F13A1: variants seen among roughly 807,000 people sequenced by gnomAD.
F13A1 encodes the protein coagulation factor XIII A chain, also known as FSF, A subunit.
A neutral mutation model predicts 80.1 loss-of-function variants in F13A1; 47 were observed. That is an observed-to-expected ratio of 0.59 (90% CI 0.46 to 0.75). The LOEUF is 0.75. Ranked by LOEUF, F13A1 falls within the 30% of genes least tolerant of loss-of-function variation. The pLI is 0.00. For missense variants in F13A1, 817 were observed against 930.4 expected (o/e 0.88, Z 1.59); for synonymous variants, 349 against 344.9 (o/e 1.01, Z -0.13).
intron 10 of F13A1, among the ~76,000 whole-genome samples, chr6:6,185,129 C>CTT (rs113575772): frequency 0.015 from 2,174 of 146,732 alleles, 35 homozygotes; most frequent in Middle Eastern, 0.056. Flanking sequence ...GAATCTCTCT[C>CTT]TTTTTTTTTT....
At chr6:6,224,357 A>C (rs3024400) in intron 7 of F13A1, among the ~76,000 whole-genome samples, 27 of 149,434 alleles carry the variant, frequency 1.8e-4, no homozygotes, top group Admixed American at 1.1e-3. Context: ...TAACTGTTTT[A>C]GTTTTTTTAA....
rs752429659 is a variant in F13A1 at position 6,318,522 on chromosome 6, G to A, written c.130+13C>T. ...TGGACCCAGAGTGGTGGGGAAGGGG[G>A]GTATGCTCATACCTTGCAGGTTGAC... is the stretch of plus-strand genomic sequence containing the variant. On this transcript the variant is annotated intron_variant, in intron 2 of 14. Coordinates refer to ENST00000264870, the MANE Select transcript of F13A1 (RefSeq NM_000129.4). 3 of 1,610,232 alleles carry A rather than the reference G, an allele frequency of 1.9e-6. No individual in the cohort carries two copies. The highest frequency in any genetic ancestry group is 3.4e-5 in the Admixed American group (2 of 59,434).
chr6:6,145,877 T>A, intron 14 of F13A1, 105 bp from the exon 15 acceptor site: 3 of 1,503,328 alleles, frequency 2.0e-6, no homozygotes, highest in Non-Finnish European at 2.7e-6. Flanking sequence ...TTTCTCTCAG[T>A]TGGTGCTTAG....
At position 6,305,629 on chromosome 6, in the gene F13A1, A is replaced by G. The variant is rs1758502577; in HGVS notation, c.131-90T>C. ...AAAAACAAGATTATTTTCCCTGAAG[A>G]AGGCAGGTAGCAAGGTCTGCTGAAT... On this transcript the variant is annotated intron_variant, in intron 2 of 14. Coordinates refer to ENST00000264870, the MANE Select transcript of F13A1 (RefSeq NM_000129.4). 40 of 1,378,852 alleles carry G rather than the reference A, an allele frequency of 2.9e-5. 1 individual carries two copies. In the South Asian group the frequency reaches 3.8e-4, roughly 13 times the overall value. 85.4% of individuals were successfully genotyped at this position (1,378,852 alleles called of 1,614,324 possible). A position where few individuals can be genotyped will look rare whatever the true frequency, so the allele number is the denominator to read the frequency against.
chr6:6,317,655 A>G (rs905132727), intron 2 of F13A1, among the ~76,000 whole-genome samples: 1 of 152,126 alleles, frequency 6.6e-6, no homozygotes, highest in African/African-American at 2.4e-5. Context: ...CCTTCTAATG[A>G]GGGGAATCGA....
chr6:6,218,088 C>T (rs115498771), intron 8 of F13A1, among the ~76,000 whole-genome samples: 1,525 of 152,284 alleles, frequency 0.01, 23 homozygotes, highest in African/African-American at 0.034. Flanking sequence ...AACCCTCACC[C>T]AGAATCATCC....
intron 2 of F13A1, among the ~76,000 whole-genome samples, chr6:6,312,664 C>G (rs1478236019): frequency 6.6e-6 from 1 of 151,378 alleles, no homozygotes; most frequent in African/African-American, 2.4e-5. Flanking sequence ...GGTGACAGAG[C>G]AAGACTCCGT....
At chr6:6,163,697 T>C (rs1424110786) in intron 13 of F13A1, among the ~76,000 whole-genome samples, 1 of 152,194 alleles carries the variant, frequency 6.6e-6, no homozygotes, top group Non-Finnish European at 1.5e-5. Context: ...TATGGCTGCA[T>C]TGTGTCCAGT....
chr6:6,298,909 G>C (rs1462813510), intron 3 of F13A1, among the ~76,000 whole-genome samples: 4 of 148,472 alleles, frequency 2.7e-5, no homozygotes, highest in Non-Finnish European at 4.4e-5. Flanking sequence ...TCCATGTTTA[G>C]CGCTTCCTTC....
At chr6:6,312,485 T>C (rs546635925) in intron 2 of F13A1, among the ~76,000 whole-genome samples, 14,148 of 39,756 alleles carry the variant, frequency 0.36, 2,725 homozygotes, top group East Asian at 0.54. Context: ...TCTTGGCCAA[T>C]ATGGTGAAAC....
chr6:6,318,519 G>C lies in F13A1; in HGVS notation c.130+16C>G, dbSNP rs370994159. On this transcript the variant is annotated intron_variant, in intron 2 of 14. Transcript: ENST00000264870. ...GCCTGGACCCAGAGTGGTGGGGAAGGGGGGTATGCTCATACCTTGCAGGTT... is the reference window on the plus strand; with the variant it reads ...GCCTGGACCCAGAGTGGTGGGGAAGCGGGGTATGCTCATACCTTGCAGGTT... 1.2e-5 allele frequency: 19 copies of C among 1,608,326 alleles called. No individual in the cohort carries two copies. Among genetic ancestry groups the C allele is most frequent in the Middle Eastern group, 1.8e-4 (1 of 5,458 alleles).
intron 13 of F13A1, among the ~76,000 whole-genome samples, chr6:6,155,148 C>A (rs1760450891): frequency 1.3e-5 from 2 of 152,108 alleles, no homozygotes; most frequent in Non-Finnish European, 2.9e-5. Context: ...GATTAAGAAC[C>A]CTTCCCATAC....
chr6:6,269,672 C>A (rs1178593376), intron 3 of F13A1, among the ~76,000 whole-genome samples: 1 of 151,496 alleles, frequency 6.6e-6, no homozygotes, highest in African/African-American at 2.4e-5. Flanking sequence ...CTATAGTCTG[C>A]GGGCCAAATG....
At chr6:6,242,964 G>C (rs1757502542) in intron 6 of F13A1, among the ~76,000 whole-genome samples, 1 of 152,086 alleles carries the variant, frequency 6.6e-6, no homozygotes, top group South Asian at 2.1e-4. Context: ...CTATTTACTA[G>C]TCTGTGTTCT....
intron 3 of F13A1, among the ~76,000 whole-genome samples, chr6:6,291,752 G>A (rs1758226896): frequency 6.6e-6 from 1 of 152,186 alleles, no homozygotes; most frequent in African/African-American, 2.4e-5. Context: ...TGCCTTAGAA[G>A]TTGTTTTCCC....
intron 4 of F13A1, among the ~76,000 whole-genome samples, chr6:6,260,643 C>T (rs571371388): frequency 3.7e-4 from 56 of 152,188 alleles, no homozygotes; most frequent in Non-Finnish European, 4.4e-5. Context: ...TTATGCTTTG[C>T]GTGCTAGGCC....
intron 8 of F13A1, among the ~76,000 whole-genome samples, chr6:6,211,132 C>T (rs553163727): frequency 9.9e-5 from 15 of 152,110 alleles, no homozygotes; most frequent in Non-Finnish European, 2.1e-4. Flanking sequence ...GTTAAGTTAC[C>T]GTGCCACTAA....
chr6:6,258,844 T>C (rs988991785), intron 4 of F13A1, among the ~76,000 whole-genome samples: 10 of 152,234 alleles, frequency 6.6e-5, no homozygotes, highest in African/African-American at 1.9e-4. Flanking sequence ...ATGCAAATAC[T>C]GTTCTGGGTG....
At chr6:6,273,559 G>A (rs983175036) in intron 3 of F13A1, among the ~76,000 whole-genome samples, 2 of 152,168 alleles carry the variant, frequency 1.3e-5, no homozygotes, top group African/African-American at 2.4e-5. Context: ...CTTATAAGAG[G>A]ACTGTCTCTA....
Sources: gnomAD v4.1 joint callset for allele counts (sites outside exome capture counted in the v4.1 genomes callset) on GRCh38, gnomAD v4.1.1 for gene constraint, MANE v1.5 for transcripts, NCBI Gene and HGNC (gene_info 2026-07-23, HGNC 2026-07-21) for gene names.